Variants in RSPO2 observed in about 807,000 individuals in gnomAD.
RSPO2 encodes the protein R-spondin-2.
In RSPO2, 14 loss-of-function variants were observed where a neutral mutation model predicts 30.9. The observed-to-expected ratio is 0.45, with a 90% CI of 0.30 to 0.71. The LOEUF (loss-of-function observed/expected upper bound fraction) is 0.71, where lower values mean the gene tolerates loss of function less well. RSPO2 is among the 30% of genes least tolerant of loss of function. The pLI is 0.08. For synonymous variants in RSPO2, 107 were observed against 96.4 expected (o/e 1.11, Z -0.64); for missense variants, 264 against 301.9 (o/e 0.87, Z 0.93).
chr8:108,075,133 T>C (rs1338963861), intron 2 of RSPO2, among the ~76,000 whole-genome samples: 1 of 152,314 alleles, frequency 6.6e-6, no homozygotes, highest in Non-Finnish European at 1.5e-5. Flanking sequence ...GGTCAAAGTG[T>C]TTGGGGATAA....
At chr8:107,988,171 T>G (rs1287890462) in intron 3 of RSPO2, among the ~76,000 whole-genome samples, 1 of 152,106 alleles carries the variant, frequency 6.6e-6, no homozygotes, top group East Asian at 1.9e-4. Context: ...TGCACCCTCA[T>G]TACTATGTAC....
At position 108,019,261 on chromosome 8, in the gene RSPO2, C is replaced by T. The variant is rs375732819; in HGVS notation, c.95-30017G>A. ...TCCAGCTACTCAGGAGGCTGAGACA[C>T]GAGAATTGCTTGAACTCAGGAGATG... On this transcript the variant is annotated intron_variant, in intron 2 of 5. Coordinates refer to ENST00000276659, the MANE Select transcript of RSPO2 (RefSeq NM_178565.5). 1.1e-4 allele frequency among the ~76,000 whole-genome samples: 17 copies of T among 151,984 alleles called. No homozygotes were observed. The East Asian group carries it at 1.9e-3, about 17-fold the overall frequency.
intron 2 of RSPO2, among the ~76,000 whole-genome samples, chr8:108,070,284 T>TC (rs944204951): frequency 5.8e-5 from 8 of 138,292 alleles, no homozygotes; most frequent in Non-Finnish European, 1.1e-4. Context: ...ATCTCTTTTT[T>TC]TTTTTTTTTT....
At chr8:107,955,770 T>C (rs1242259121) in intron 5 of RSPO2, among the ~76,000 whole-genome samples, 3 of 152,216 alleles carry the variant, frequency 2.0e-5, no homozygotes, top group Admixed American at 6.5e-5. Flanking sequence ...AAGCAGCTGA[T>C]TTTAATGTGC....
chr8:108,005,189 C>T (rs1006573734), intron 2 of RSPO2, among the ~76,000 whole-genome samples: 1 of 152,090 alleles, frequency 6.6e-6, no homozygotes, highest in Admixed American at 6.5e-5. Context: ...TGTGCATCAT[C>T]TTAAGAGGCA....
intron 2 of RSPO2, among the ~76,000 whole-genome samples, chr8:108,025,154 C>T (rs535914117): frequency 6.6e-6 from 1 of 152,322 alleles, no homozygotes; most frequent in East Asian, 1.9e-4. Flanking sequence ...TACTTCCTAG[C>T]TCTGTTTGCT....
At chr8:108,039,370 T>A (rs1418099700) in intron 2 of RSPO2, among the ~76,000 whole-genome samples, 3 of 152,104 alleles carry the variant, frequency 2.0e-5, no homozygotes, top group Admixed American at 2.0e-4. Flanking sequence ...AGGTATTAAC[T>A]CATTTAGTAT....
At chr8:108,075,997 G>A (rs1219779571) in intron 2 of RSPO2, among the ~76,000 whole-genome samples, 1 of 152,100 alleles carries the variant, frequency 6.6e-6, no homozygotes. Context: ...CAGAAAAAAA[G>A]GAAAAATAAG....
intron 2 of RSPO2, among the ~76,000 whole-genome samples, chr8:108,063,444 G>T (rs1024673864): frequency 6.6e-6 from 1 of 151,728 alleles, no homozygotes; most frequent in African/African-American, 2.4e-5. Flanking sequence ...GCTTCAAAGA[G>T]AATAAAATGC....
intron 2 of RSPO2, among the ~76,000 whole-genome samples, chr8:108,026,049 G>A (rs1016653795): frequency 6.6e-6 from 1 of 152,096 alleles, no homozygotes; most frequent in Non-Finnish European, 1.5e-5. Context: ...CCTTAACATA[G>A]TGATCAAAGT....
At chr8:107,995,734 T>G (rs1814996590) in intron 2 of RSPO2, among the ~76,000 whole-genome samples, 1 of 152,162 alleles carries the variant, frequency 6.6e-6, no homozygotes, top group African/African-American at 2.4e-5. Flanking sequence ...CCTACAGATT[T>G]GATTCTGACC....
At chr8:107,971,189 T>A (rs1181723876) in intron 3 of RSPO2, among the ~76,000 whole-genome samples, 3 of 152,202 alleles carry the variant, frequency 2.0e-5, no homozygotes, top group African/African-American at 2.4e-5. Context: ...GGGCCTATGT[T>A]GAAATAATAG....
chr8:108,078,528 TA>T (rs35764280), intron 2 of RSPO2, among the ~76,000 whole-genome samples: 25,080 of 150,868 alleles, frequency 0.17, 2,693 homozygotes, highest in East Asian at 0.43. Context: ...AAAGTATTTG[TA>T]AAAAAAAAAT....
At chr8:108,070,236 A>G (rs1812795077) in intron 2 of RSPO2, among the ~76,000 whole-genome samples, 1 of 145,806 alleles carries the variant, frequency 6.9e-6, no homozygotes, top group Admixed American at 6.8e-5. Flanking sequence ...AGGTGGGAGG[A>G]TCGCTTGAGC....
rs114317434 is a variant in RSPO2, at chr8:108,079,308, C to T, written c.94+3237G>A. Among the ~76,000 whole-genome samples, 1,291 of 152,152 alleles carry T rather than the reference C, an allele frequency of 8.5e-3. 33 individuals are homozygous for T. Among genetic ancestry groups the T allele is most frequent in the African/African-American group, 0.03 (1,226 of 41,512 alleles). ...ATTAATTTTTTAAAATTATTGCAAC[C>T]AGGCCCCATTAGTGACTATCAAATG... On this transcript the variant is annotated intron_variant, in intron 2 of 5. Transcript: ENST00000276659.
intron 5 of RSPO2, among the ~76,000 whole-genome samples, chr8:107,955,282 C>T (rs528764190): frequency 6.6e-6 from 1 of 152,250 alleles, no homozygotes; most frequent in South Asian, 2.1e-4. Context: ...CACCTATCCC[C>T]CCCTAAATCC....
intron 2 of RSPO2, among the ~76,000 whole-genome samples, chr8:108,073,722 T>C (rs190779812): frequency 3.4e-4 from 52 of 152,334 alleles, no homozygotes; most frequent in Non-Finnish European, 5.7e-4. Flanking sequence ...TTAGTGGGAT[T>C]GAGAGAATTT....
chr8:107,929,878 G>T (rs1812498681), intron 5 of RSPO2, among the ~76,000 whole-genome samples: 1 of 152,052 alleles, frequency 6.6e-6, no homozygotes, highest in South Asian at 2.1e-4. Flanking sequence ...ACAGTATAAG[G>T]CACAATGTCT....
intron 2 of RSPO2, among the ~76,000 whole-genome samples, chr8:108,022,334 C>G (rs1180867539): frequency 1.3e-5 from 2 of 152,148 alleles, no homozygotes; most frequent in Admixed American, 1.3e-4. Flanking sequence ...AATGGCTATT[C>G]TCCCCTTTCT....
Sources: allele counts gnomAD v4.1 joint callset (sites outside exome capture counted in the v4.1 genomes callset), GRCh38; gene constraint gnomAD v4.1.1; transcripts MANE v1.5; gene names NCBI Gene and HGNC (gene_info 2026-07-23, HGNC 2026-07-21).